The following RAD51AP2 variants were observed in gnomAD, a reference collection of about 807,000 sequenced individuals.
RAD51AP2 encodes the protein RAD51 associated protein 2, also known as RAD51-associated protein 2.
In RAD51AP2, 67 loss-of-function variants were observed where a neutral mutation model predicts 85.5. The ratio of observed to expected loss-of-function variants is 0.78; its 90% CI spans 0.64 to 0.96. The LOEUF is 0.96. Among genes scored for constraint, RAD51AP2 ranks in the 40% least tolerant of loss-of-function variants. The pLI, the probability that RAD51AP2 is intolerant of heterozygous loss-of-function variation, is 0.00. For synonymous variants in RAD51AP2, 474 were observed against 446.5 expected (o/e 1.06, Z -0.78); for missense variants, 1,307 against 1,332.4 (o/e 0.98, Z 0.30).
upstream of RAD51AP2, among the ~76,000 whole-genome samples, chr2:17,519,497 T>C (rs931528172): frequency 1.3e-5 from 2 of 152,170 alleles, no homozygotes; most frequent in African/African-American, 4.8e-5. Flanking sequence ...TTATAATAAC[T>C]ACAATAACAT....
rs1483333758 is a variant in RAD51AP2 at position 17,517,867 on chromosome 2, T to C, written c.549A>G (p.Arg183=). The change falls in exon 1 of 3, where the codon AGA becomes AGG. Residue 183 remains arginine, a synonymous_variant. Coordinates refer to ENST00000399080, the MANE Select transcript of RAD51AP2 (RefSeq NM_001099218.3). ...ENRKQQFVQG[R]DNVHKENPFL... is the part of the protein sequence containing the mutation. ...ATGGATTTTCTTTGTGAACATTGTC[T>C]CTTCCTTGGACAAACTGTTGTTTTC... 2 of 1,614,154 alleles carry C rather than the reference T, an allele frequency of 1.2e-6. No individual in the cohort carries two copies. The highest frequency in any genetic ancestry group is 1.7e-6 in the Non-Finnish European group (2 of 1,179,970).
rs546165387 is a variant in RAD51AP2, at chr2:17,510,698, C to T, written c.*106G>A. 9 of 616,400 alleles carry T rather than the reference C, an allele frequency of 1.5e-5. No individual in the cohort carries two copies. The highest frequency in any genetic ancestry group is 1.3e-4 in the East Asian group (4 of 30,774). The allele number at this position is 616,400 out of a possible 1,614,324, so 38.2% of individuals were successfully genotyped here. A position where few individuals can be genotyped will look rare whatever the true frequency, so the allele number is the denominator to read the frequency against. On this transcript the variant is annotated 3_prime_UTR_variant, in exon 3 of 3. Transcript: ENST00000399080. ...TTTATACACTCAAAAAAAAAAACTTCTCCACTTTATAATAAAGCAAGCCCC... is the reference window on the plus strand; with the variant it reads ...TTTATACACTCAAAAAAAAAAACTTTTCCACTTTATAATAAAGCAAGCCCC...
the RAD51AP2 span, among the ~76,000 whole-genome samples, chr2:17,530,314 G>A: frequency 6.6e-6 from 1 of 152,158 alleles, no homozygotes; most frequent in Non-Finnish European, 1.5e-5. Flanking sequence ...CTCCCTTAAT[G>A]TTCCTGGGTA....
chr2:17,513,782 T>G (rs752246610), intron 2 of RAD51AP2, among the ~76,000 whole-genome samples: 4 of 152,218 alleles, frequency 2.6e-5, no homozygotes, highest in Non-Finnish European at 5.9e-5. Context: ...TACAAATATC[T>G]GAACGTAGTT....
In RAD51AP2 at chr2:17,517,654, G is replaced by C; in HGVS notation, c.762C>G (p.Ser254Arg). ...EIAKPSYFRD[S>R]GTISVPQFPM... ...GAAACTGAGGGACACTTATTGTGCC[G>C]CTATCTCTAAAATAGCTAGGTTTGG... The change falls in exon 1 of 3, where the codon AGC (serine) becomes AGG (arginine). Residue 254 changes from serine (S) to arginine (R), a missense_variant. Ser to Arg is a moderately radical substitution (Grantham distance 110). Coordinates refer to ENST00000399080, the MANE Select transcript of RAD51AP2 (RefSeq NM_001099218.3). 3.7e-6 allele frequency: 6 copies of C among 1,613,968 alleles called. No individual in the cohort carries two copies. Among genetic ancestry groups the C allele is most frequent in the Non-Finnish European group, 5.1e-6 (6 of 1,179,976 alleles).
chr2:17,533,481 C>G, the RAD51AP2 span, among the ~76,000 whole-genome samples: 2 of 152,202 alleles, frequency 1.3e-5, no homozygotes, highest in African/African-American at 4.8e-5. Context: ...CAAATTCATA[C>G]ACTTTCCATT....
At chr2:17,525,177 T>C in the RAD51AP2 span, among the ~76,000 whole-genome samples, 41 of 152,022 alleles carry the variant, frequency 2.7e-4, no homozygotes, top group Non-Finnish European at 5.0e-4. Context: ...AAAAACTAAA[T>C]CTAAATAGAC....
chr2:17,515,768 ACTTC>A lies in RAD51AP2; in HGVS notation c.2644_2647del (p.Glu882Ter), dbSNP rs759684304. On this transcript the variant is annotated frameshift_variant, in exon 1 of 3. Transcript: ENST00000399080. LOFTEE classifies it high-confidence loss of function. ...AACATATTTATTTTCTTCCACATTT[ACTTC>A]CTTACTTATTAATGAAACTGACTGT... The A allele has an allele frequency of 6.3e-5, 100 of 1,596,194 alleles. No homozygotes were observed. Among genetic ancestry groups the A allele is most frequent in the Non-Finnish European group, 8.5e-5 (99 of 1,170,422 alleles).
the RAD51AP2 span, among the ~76,000 whole-genome samples, chr2:17,532,882 A>G: frequency 6.6e-6 from 1 of 152,256 alleles, no homozygotes; most frequent in Non-Finnish European, 1.5e-5. Context: ...ACCATGTTCT[A>G]CTTTAGCTGG....
chr2:17,530,783 T>G, the RAD51AP2 span, among the ~76,000 whole-genome samples: 1 of 152,088 alleles, frequency 6.6e-6, no homozygotes, highest in Admixed American at 6.6e-5. Flanking sequence ...TTCAATCTAT[T>G]TAGAAGTCTT....
the RAD51AP2 span, among the ~76,000 whole-genome samples, chr2:17,523,916 T>G: frequency 6.6e-6 from 1 of 151,874 alleles, no homozygotes; most frequent in Non-Finnish European, 1.5e-5. Flanking sequence ...TCAAAGTACT[T>G]TTAAGTGGAT....
chr2:17,513,160 T>C (rs1233618594), intron 2 of RAD51AP2, among the ~76,000 whole-genome samples: 2 of 151,978 alleles, frequency 1.3e-5, no homozygotes, highest in African/African-American at 2.4e-5. Context: ...ATGTTAGACA[T>C]ACTGTGTTTT....
the RAD51AP2 span, among the ~76,000 whole-genome samples, chr2:17,524,892 A>C: frequency 6.6e-6 from 1 of 152,030 alleles, no homozygotes; most frequent in Non-Finnish European, 1.5e-5. Flanking sequence ...GGCTTCACAG[A>C]GGAAAGGATT....
At chr2:17,528,541 G>A in the RAD51AP2 span, among the ~76,000 whole-genome samples, 4 of 152,228 alleles carry the variant, frequency 2.6e-5, no homozygotes, top group African/African-American at 9.6e-5. Flanking sequence ...CTAATGAACA[G>A]TTAGAGAAAA....
At chr2:17,520,210 A>C (rs569865009), upstream of RAD51AP2, among the ~76,000 whole-genome samples, 1 of 152,218 alleles carries the variant, frequency 6.6e-6, no homozygotes, top group Admixed American at 6.5e-5. Context: ...AGACCAAAAA[A>C]AGAGTCTTTT....
chr2:17,513,893 G>T (rs1662569279), intron 2 of RAD51AP2, 119 bp downstream of exon 2: 3 of 628,912 alleles, frequency 4.8e-6, no homozygotes, highest in South Asian at 4.0e-5. Context: ...GCTCTTAAAA[G>T]GTGCTAAAAC....
chr2:17,528,708 T>C, the RAD51AP2 span, among the ~76,000 whole-genome samples: 2 of 152,062 alleles, frequency 1.3e-5, no homozygotes, highest in Admixed American at 1.3e-4. Context: ...CCTGGCATGG[T>C]GGCACGCAGC....
the RAD51AP2 span, among the ~76,000 whole-genome samples, chr2:17,523,958 T>C: frequency 6.6e-6 from 1 of 151,956 alleles, no homozygotes; most frequent in Non-Finnish European, 1.5e-5. Context: ...TCTCCTTTGA[T>C]TTGCTGAACA....
upstream of RAD51AP2, among the ~76,000 whole-genome samples, chr2:17,521,167 C>A (rs1383886634): frequency 6.6e-6 from 1 of 152,022 alleles, no homozygotes; most frequent in Non-Finnish European, 1.5e-5. Context: ...ACTCATTTAC[C>A]AACTCAAATG....
Sources: allele counts gnomAD v4.1 joint callset (sites outside exome capture counted in the v4.1 genomes callset), GRCh38; gene constraint gnomAD v4.1.1; transcripts MANE v1.5; gene names NCBI Gene and HGNC (gene_info 2026-07-23, HGNC 2026-07-21).